RBFOX1: variants seen among roughly 807,000 people sequenced by gnomAD.
The protein encoded by RBFOX1 is RNA binding protein fox-1 homolog 1.
A neutral mutation model predicts 57.7 loss-of-function variants in RBFOX1; 8 were observed. The ratio of observed to expected loss-of-function variants is 0.14; its 90% confidence interval spans 0.08 to 0.25. The LOEUF (loss-of-function observed/expected upper bound fraction) is 0.25, where lower values mean the gene tolerates loss of function less well. RBFOX1 is among the 10% of genes least tolerant of loss of function. The pLI is 1.00. For synonymous variants in RBFOX1, 326 were observed against 222.4 expected (o/e 1.47, Z -4.15); for missense variants, 611 against 548.5 (o/e 1.11, Z -1.14).
At chr16:7,681,502 G>T (rs1281456278) in intron 14 of RBFOX1, among the ~76,000 whole-genome samples, 3 of 152,114 alleles carry the variant, frequency 2.0e-5, no homozygotes, top group Non-Finnish European at 2.9e-5. Flanking sequence ...GAGAAAGGCT[G>T]TCATGAAAAT....
At chr16:6,576,502 A>G (rs552881296) in intron 2 of RBFOX1, among the ~76,000 whole-genome samples, 2 of 152,298 alleles carry the variant, frequency 1.3e-5, no homozygotes, top group African/African-American at 2.4e-5. Context: ...TCATTCTTCT[A>G]AGGGTCTTAA....
chr16:7,156,522 G>GAT (rs1224445063), intron 4 of RBFOX1, among the ~76,000 whole-genome samples: 1 of 151,804 alleles, frequency 6.6e-6, no homozygotes, highest in African/African-American at 2.4e-5. Context: ...CATGCATGTA[G>GAT]ATATATATGT....
chr16:5,523,402 C>T (rs753995269), intron 2 of RBFOX1, among the ~76,000 whole-genome samples: 12 of 152,068 alleles, frequency 7.9e-5, no homozygotes, highest in African/African-American at 2.2e-4. Flanking sequence ...ATCACTTGAG[C>T]CTTGGAGTTT....
At chr16:6,624,946 C>G (rs2098282216) in intron 2 of RBFOX1, among the ~76,000 whole-genome samples, 1 of 152,106 alleles carries the variant, frequency 6.6e-6, no homozygotes, top group Non-Finnish European at 1.5e-5. Flanking sequence ...AGGTGGATCA[C>G]TTGAGGTCAG....
At chr16:7,365,900 T>C (rs1398517036) in intron 4 of RBFOX1, among the ~76,000 whole-genome samples, 1 of 152,232 alleles carries the variant, frequency 6.6e-6, no homozygotes, top group Non-Finnish European at 1.5e-5. Flanking sequence ...TTGTCTCCTT[T>C]CTTTGTGTCA....
At position 5,498,783 on chromosome 16, in the gene RBFOX1, G is replaced by A. The variant is rs117916453; in HGVS notation, c.258+31529G>A. Among the ~76,000 whole-genome samples, 1,327 of 152,278 alleles carry A rather than the reference G, an allele frequency of 8.7e-3. 13 individuals are homozygous for A. Among genetic ancestry groups the A allele is most frequent in the Middle Eastern group, 0.048 (14 of 294 alleles). ...CATTATCTGGCAATTATATTTTTGC[G>A]TCTGGGCCTTCATGCCCTGCACCCA... On this transcript the variant is annotated intron_variant, in intron 2 of 2. Transcript: ENST00000585867.
intron 1 of RBFOX1, among the ~76,000 whole-genome samples, chr16:6,197,734 G>A (rs927614304): frequency 1.9e-4 from 29 of 151,432 alleles, no homozygotes; most frequent in South Asian, 4.2e-4. Context: ...AGATTATTGC[G>A]TCACCCAGGT....
At chr16:7,191,053 C>T (rs1056143238) in intron 4 of RBFOX1, among the ~76,000 whole-genome samples, 4 of 151,988 alleles carry the variant, frequency 2.6e-5, no homozygotes, top group Admixed American at 1.3e-4. Context: ...TATTCGGGGA[C>T]CCCTTGGATG....
intron 4 of RBFOX1, among the ~76,000 whole-genome samples, chr16:7,203,995 A>G (rs961899845): frequency 6.6e-6 from 1 of 152,234 alleles, no homozygotes; most frequent in Admixed American, 6.5e-5. Flanking sequence ...CACTTACGTT[A>G]TATTTTAAGA....
At chr16:7,671,149 A>G (rs1003541738) in intron 13 of RBFOX1, among the ~76,000 whole-genome samples, 2 of 152,230 alleles carry the variant, frequency 1.3e-5, no homozygotes, top group Non-Finnish European at 2.9e-5. Flanking sequence ...TTTCTTAACT[A>G]CTTCAATAAT....
chr16:5,899,509 A>T (rs1035765795), intron 4 of RBFOX1, among the ~76,000 whole-genome samples: 2 of 152,202 alleles, frequency 1.3e-5, no homozygotes, highest in African/African-American at 4.8e-5. Context: ...TTGACTAGCT[A>T]GGAAGAGTGG....
chr16:6,812,017 A>C (rs1000502665), intron 3 of RBFOX1, among the ~76,000 whole-genome samples: 3 of 152,202 alleles, frequency 2.0e-5, no homozygotes, highest in Non-Finnish European at 4.4e-5. Flanking sequence ...CCATTTCTCC[A>C]GATAAATAGT....
intron 2 of RBFOX1, among the ~76,000 whole-genome samples, chr16:6,534,675 A>C (rs932386477): frequency 2.0e-5 from 3 of 152,172 alleles, no homozygotes; most frequent in Non-Finnish European, 4.4e-5. Context: ...TTGGTTATAA[A>C]AGTACTTGCT....
intron 4 of RBFOX1, among the ~76,000 whole-genome samples, chr16:7,111,256 G>A (rs919389219): frequency 5.9e-5 from 9 of 152,124 alleles, no homozygotes; most frequent in East Asian, 3.9e-4. Context: ...AACTTACACC[G>A]TAAAAGTGAA....
At chr16:7,376,876 C>T (rs1010618424) in intron 4 of RBFOX1, among the ~76,000 whole-genome samples, 1 of 152,100 alleles carries the variant, frequency 6.6e-6, no homozygotes, top group Non-Finnish European at 1.5e-5. Flanking sequence ...AACTTCCCTA[C>T]CAGTGTCTGG....
At chr16:7,351,288 T>G (rs1422033428) in intron 4 of RBFOX1, among the ~76,000 whole-genome samples, 1 of 152,252 alleles carries the variant, frequency 6.6e-6, no homozygotes, top group South Asian at 2.1e-4. Context: ...GGGAAACTTT[T>G]CTATGTCAAA....
intron 1 of RBFOX1, among the ~76,000 whole-genome samples, chr16:6,166,647 G>A (rs924253015): frequency 2.0e-5 from 3 of 152,048 alleles, no homozygotes; most frequent in Non-Finnish European, 2.9e-5. Flanking sequence ...GCATAACGCC[G>A]GTCCCTGAAT....
At chr16:5,262,326 C>A (rs552535875) in intron 1 of RBFOX1, among the ~76,000 whole-genome samples, 1 of 152,324 alleles carries the variant, frequency 6.6e-6, no homozygotes, top group South Asian at 2.1e-4. Context: ...ATGAGGATAA[C>A]ATTTAATTGG....
In RBFOX1 at chr16:6,067,737, G is replaced by A. The variant is rs181217589; in HGVS notation, c.-127+47745G>A. 5.3e-5 allele frequency among the ~76,000 whole-genome samples: 8 copies of A among 152,302 alleles called. No homozygotes were observed. The East Asian group carries it at 1.5e-3, about 29-fold the overall frequency. On this transcript the variant is annotated intron_variant, in intron 1 of 15. Coordinates refer to ENST00000550418, the MANE Select transcript of RBFOX1 (RefSeq NM_018723.4). ...ATTTGAGGAAGAGCTGTTACTTGCT[G>A]AGGATGGGAAAAAAATATATAAAAA...
Sources: gnomAD v4.1 joint callset for allele counts (sites outside exome capture counted in the v4.1 genomes callset) on GRCh38, gnomAD v4.1.1 for gene constraint, MANE v1.5 for transcripts, NCBI Gene and HGNC (gene_info 2026-07-23, HGNC 2026-07-21) for gene names.